PTPRS: variants seen among roughly 807,000 people sequenced by gnomAD.
The protein encoded by PTPRS is receptor-type tyrosine-protein phosphatase S.
Under a neutral mutation model 215.3 loss-of-function variants are expected in PTPRS, and 63 were observed. That is an observed-to-expected ratio of 0.29 (90% CI 0.24 to 0.36). PTPRS has a LOEUF of 0.36. PTPRS is among the 10% of genes least tolerant of loss of function. The probability of loss-of-function intolerance (pLI) is 1.00; values close to 1 mark genes in which losing one functional copy is unlikely to be tolerated. For synonymous variants in PTPRS, 1,404 were observed against 1,191.4 expected (o/e 1.18, Z -3.68); for missense variants, 2,258 against 2,825.8 (o/e 0.80, Z 4.56).
chr19:5,259,046 A>G (rs1349243242), intron 7 of PTPRS, among the ~76,000 whole-genome samples: 1 of 152,222 alleles, frequency 6.6e-6, no homozygotes, highest in Non-Finnish European at 1.5e-5. Context: ...TAAATTTTCA[A>G]AAGTGTTTGA....
intron 1 of PTPRS, among the ~76,000 whole-genome samples, chr19:5,311,902 G>A (rs922171494): frequency 4.6e-5 from 7 of 151,988 alleles, no homozygotes; most frequent in Admixed American, 6.6e-5. Flanking sequence ...TAGCCGGGCG[G>A]GGTGGCAGGC....
intron 13 of PTPRS, among the ~76,000 whole-genome samples, chr19:5,232,240 G>A (rs1045815745): frequency 1.3e-5 from 2 of 151,996 alleles, no homozygotes; most frequent in Admixed American, 6.6e-5. Flanking sequence ...CCATGCCAAG[G>A]GGAACAGCAA....
chr19:5,254,718 GGCTCA>G (rs2045420771), intron 9 of PTPRS, among the ~76,000 whole-genome samples: 3 of 152,196 alleles, frequency 2.0e-5, no homozygotes, highest in Admixed American at 6.5e-5. Flanking sequence ...CCTGTGACCG[GGCTCA>G]GAGTCTGAGA....
At chr19:5,222,324 C>T (rs1323755607) in intron 18 of PTPRS, 104 bp from the exon 19 acceptor site, 18 of 951,016 alleles carry the variant, frequency 1.9e-5, no homozygotes, top group Non-Finnish European at 3.0e-5. Context: ...CCCAGGCGCT[C>T]CCTGTCGTCC....
intron 37 of PTPRS, among the ~76,000 whole-genome samples, chr19:5,207,314 ACCTC>A (rs2040451983): frequency 1.3e-5 from 2 of 152,096 alleles, no homozygotes; most frequent in Non-Finnish European, 2.9e-5. Flanking sequence ...CAAACTCCTG[ACCTC>A]GGGTGATCTG....
intron 1 of PTPRS, among the ~76,000 whole-genome samples, chr19:5,299,999 G>C (rs1323862034): frequency 6.6e-6 from 1 of 152,124 alleles, no homozygotes; most frequent in Non-Finnish European, 1.5e-5. Context: ...CCAGCATTTT[G>C]GGAGGCCAAA....
intron 9 of PTPRS, among the ~76,000 whole-genome samples, chr19:5,253,390 C>T (rs2045304150): frequency 6.6e-6 from 1 of 152,150 alleles, no homozygotes; most frequent in African/African-American, 2.4e-5. Flanking sequence ...GCAATTAATT[C>T]CTGTGACTGG....
At chr19:5,208,864 C>G (rs1322689794) in intron 35 of PTPRS, among the ~76,000 whole-genome samples, 1 of 152,158 alleles carries the variant, frequency 6.6e-6, no homozygotes. Context: ...TCTGCCCTTC[C>G]CAGCTCCTAT....
chr19:5,253,946 A>G (rs1312911747), intron 9 of PTPRS, among the ~76,000 whole-genome samples: 2 of 152,180 alleles, frequency 1.3e-5, no homozygotes, highest in African/African-American at 4.8e-5. Flanking sequence ...CAGATGAGGA[A>G]GTGGGGACTC....
Position 5,214,663 on chromosome 19 carries a change from C to A in PTPRS, c.4392G>T (p.Thr1464=), listed in dbSNP as rs559581868. ...CAAAGGTCTCAGGCAGCGGCCCCTG[C>A]GTGGCAATGTACGCGTTCTGACACC... ...GYRCQNAYIA[T]QGPLPETFGD... is the part of the protein sequence containing the mutation. Residue 1464 remains threonine, a synonymous_variant, in exon 29 of 38, where the codon ACG becomes ACT. Transcript: ENST00000262963. The A allele has an allele frequency of 3.7e-6, 6 of 1,613,150 alleles. No individual in the cohort carries two copies. In the South Asian group the frequency reaches 5.5e-5, roughly 15 times the overall value.
At chr19:5,228,977 A>G (rs8105226) in intron 16 of PTPRS, among the ~76,000 whole-genome samples, 134,682 of 152,206 alleles carry the variant, frequency 0.88, 59,873 homozygotes, top group African/African-American at 0.97. Flanking sequence ...CTCACAGGAG[A>G]AATGACTACG....
At chr19:5,268,045 C>T (rs61416798) in intron 4 of PTPRS, among the ~76,000 whole-genome samples, 44,182 of 151,926 alleles carry the variant, frequency 0.29, 6,985 homozygotes, top group Non-Finnish European at 0.36. Flanking sequence ...TGACGGGCAC[C>T]TGTAGTCCCA....
At chr19:5,301,362 C>A (rs2049299042) in intron 1 of PTPRS, among the ~76,000 whole-genome samples, 1 of 149,978 alleles carries the variant, frequency 6.7e-6, no homozygotes, top group Non-Finnish European at 1.5e-5. Context: ...GTCACCCAGG[C>A]TGGAGTACAG....
chr19:5,324,683 T>C (rs916751114), intron 1 of PTPRS, among the ~76,000 whole-genome samples: 1 of 152,192 alleles, frequency 6.6e-6, no homozygotes, highest in African/African-American at 2.4e-5. Flanking sequence ...CCTGCACAAG[T>C]CACATCCCCT....
chr19:5,260,614 G>A (rs904046606), intron 7 of PTPRS, among the ~76,000 whole-genome samples, 191 bp downstream of exon 7: 1 of 152,168 alleles, frequency 6.6e-6, no homozygotes, highest in East Asian at 1.9e-4. Context: ...GAGTCACCTC[G>A]GCCACATTCA....
intron 18 of PTPRS, 107 bp from the exon 19 acceptor site, chr19:5,222,327 T>A: frequency 1.1e-6 from 1 of 895,066 alleles, no homozygotes; most frequent in Non-Finnish European, 1.8e-6. Flanking sequence ...AGGCGCTCCC[T>A]GTCGTCCGCT....
At chr19:5,272,827 T>C (rs915943832) in intron 4 of PTPRS, among the ~76,000 whole-genome samples, 6 of 152,024 alleles carry the variant, frequency 3.9e-5, no homozygotes, top group South Asian at 2.1e-4. Context: ...AGTGCTGGGA[T>C]TGCAGGTGTG....
At position 5,273,486 on chromosome 19, in the gene PTPRS, G is replaced by A. The variant is rs1284384957; in HGVS notation, c.335C>T (p.Ser112Leu). 7 of 1,614,172 alleles carry A rather than the reference G, an allele frequency of 4.3e-6. No individual in the cohort carries two copies. The highest frequency in any genetic ancestry group is 1.7e-5 in the Admixed American group (1 of 60,002). Reference sequence around the variant, plus strand: ...GGCATGGACTGTGATCTCCCCAACCGAGTTCTGGGCCACACACTCGTACAC... The same window carrying A: ...GGCATGGACTGTGATCTCCCCAACCAAGTTCTGGGCCACACACTCGTACAC... ...ENVYECVAQN[S>L]VGEITVHAKL... The change falls in exon 4 of 38, where the codon TCG (serine) becomes TTG (leucine). Residue 112 changes from serine (S) to leucine (L), a missense_variant. This residue lies in a region of PTPRS where 508 missense variants were observed against 799.4 expected (regional missense o/e 0.64). Coordinates refer to ENST00000262963, the MANE Select transcript of PTPRS (RefSeq NM_002850.4).
intron 13 of PTPRS, among the ~76,000 whole-genome samples, chr19:5,238,290 C>T (rs908269333): frequency 5.9e-5 from 9 of 152,088 alleles, no homozygotes; most frequent in African/African-American, 1.7e-4. Flanking sequence ...GAGGCCGGGC[C>T]GGCACAGCAG....
Sources: gnomAD v4.1 joint callset for allele counts (sites outside exome capture counted in the v4.1 genomes callset) on GRCh38, gnomAD v4.1.1 for gene constraint, gnomAD v4.1.1 regional missense constraint, MANE v1.5 for transcripts, NCBI Gene and HGNC (gene_info 2026-07-23, HGNC 2026-07-21) for gene names.